Variants in HTT observed in about 807,000 individuals in gnomAD.
HTT encodes the protein huntington disease protein.
HTT carries 104 observed loss-of-function variants against 362.3 expected under a neutral mutation model. The ratio of observed to expected loss-of-function variants is 0.29; its 90% confidence interval spans 0.24 to 0.34. The LOEUF is 0.34. HTT is among the 10% of genes least tolerant of loss of function. HTT has a pLI of 1.00. For synonymous variants in HTT, 1,577 were observed against 1,548.7 expected, an observed-to-expected ratio of 1.02 and a Z score of -0.43; for missense variants, 3,301 against 3,928.6, an observed-to-expected ratio of 0.84 and a Z score of 4.27.
chr4:3,180,999 C>T (rs1005494507), intron 36 of HTT, among the ~76,000 whole-genome samples: 3 of 151,848 alleles, frequency 2.0e-5, no homozygotes, highest in African/African-American at 7.3e-5. Context: ...GCCTCCACCT[C>T]CCGAGTAGCT....
intron 29 of HTT, among the ~76,000 whole-genome samples, chr4:3,162,222 C>T (rs1164452646): frequency 6.6e-6 from 1 of 152,156 alleles, no homozygotes; most frequent in Non-Finnish European, 1.5e-5. Context: ...TGTCAAAGAT[C>T]AGATGATTGT....
chr4:3,112,433 C>T (rs566209529), intron 6 of HTT, among the ~76,000 whole-genome samples: 3 of 152,344 alleles, frequency 2.0e-5, no homozygotes, highest in African/African-American at 7.2e-5. Flanking sequence ...GTCACTGCTC[C>T]TGCCTTCCTC....
chr4:3,132,857 A>G lies in HTT; in HGVS notation c.2439A>G (p.Lys813=), dbSNP rs1258370301. ...SLADCIPLLR[K]TLKDESSVTC... ...CGGATTGCATTCCTTTGCTGCGGAA[A>G]ACACTGAAGGATGAGTCTTCTGTTA... Residue 813 remains lysine, a synonymous_variant, in exon 18 of 67, where the codon AAA becomes AAG. Transcript: ENST00000355072. The G allele has an allele frequency of 3.2e-5, 51 of 1,614,090 alleles. No homozygotes were observed. Among genetic ancestry groups the G allele is most frequent in the Non-Finnish European group, 3.9e-5 (46 of 1,180,024 alleles).
intron 34 of HTT, among the ~76,000 whole-genome samples, chr4:3,177,763 T>G (rs1255671124): frequency 1.3e-5 from 2 of 152,230 alleles, no homozygotes; most frequent in African/African-American, 4.8e-5. Flanking sequence ...TCTCTGCAGC[T>G]TTTTCTTGCT....
chr4:3,213,848 TG>T, intron 49 of HTT, 109 bp from the exon 50 acceptor site: 2 of 952,076 alleles, frequency 2.1e-6, no homozygotes, highest in Non-Finnish European at 1.5e-6. Flanking sequence ...CAAGGGCACC[TG>T]GACGCGCTGC....
At chr4:3,128,736 T>TC (rs1715641796) in intron 12 of HTT, 2 of 152,250 alleles carry the variant, frequency 1.3e-5, no homozygotes. Context: ...AGTTTTATAC[T>TC]CCATTTTATT....
chr4:3,116,202 G>A lies in HTT; in HGVS notation c.1007G>A (p.Gly336Asp), dbSNP rs770068718. 14 of 1,613,990 alleles carry A rather than the reference G, an allele frequency of 8.7e-6. No individual in the cohort carries two copies. The highest frequency in any genetic ancestry group is 1.2e-5 in the Non-Finnish European group (14 of 1,179,968). Residue 336 changes from glycine to aspartate, a missense_variant, in exon 8 of 67, where the codon GGC becomes GAC. Physicochemically the swap from Gly to Asp is moderately conservative, Grantham distance 94. Around this residue, in one of 4 missense-constraint regions of HTT, gnomAD observed 2,316 missense variants for 2,658.5 expected, o/e 0.87. Transcript: ENST00000355072. ...CAGGTCAAGGACACAAGCCTGAAAG[G>A]CAGCTTCGGAGTGACAAGGAAAGAA... Reference protein sequence around the residue: ...QQQVKDTSLKGSFGVTRKEME... With the variant: ...QQQVKDTSLKDSFGVTRKEME...
At chr4:3,213,548 A>G (rs777448810) in intron 49 of HTT, among the ~76,000 whole-genome samples, 3 of 152,232 alleles carry the variant, frequency 2.0e-5, no homozygotes, top group Non-Finnish European at 4.4e-5. Flanking sequence ...TGAGCTAGGA[A>G]GTAGCCATTC....
At chr4:3,171,757 G>A (rs967357240) in intron 29 of HTT, among the ~76,000 whole-genome samples, 1 of 152,196 alleles carries the variant, frequency 6.6e-6, no homozygotes, top group Non-Finnish European at 1.5e-5. Flanking sequence ...GATTACAGGC[G>A]TGAGCCACCA....
chr4:3,104,241 C>T (rs959429138), intron 4 of HTT, among the ~76,000 whole-genome samples: 2 of 151,848 alleles, frequency 1.3e-5, no homozygotes, highest in African/African-American at 4.8e-5. Context: ...TCAGGTGATC[C>T]GCCCGCCTCG....
At chr4:3,157,820 G>T (rs993159314) in intron 28 of HTT, among the ~76,000 whole-genome samples, 3 of 151,818 alleles carry the variant, frequency 2.0e-5, no homozygotes, top group African/African-American at 7.3e-5. Flanking sequence ...TATGAAGTAT[G>T]TGTCTAATTT....
chr4:3,135,974 G>C lies in HTT; in HGVS notation c.2697+7G>C. The C allele has an allele frequency of 3.8e-6, 6 of 1,579,746 alleles. No individual in the cohort carries two copies. The highest frequency in any genetic ancestry group is 5.1e-6 in the Non-Finnish European group (6 of 1,166,302). On this transcript the variant is annotated splice_region_variant and intron_variant, in intron 20 of 66. Coordinates refer to ENST00000355072, the MANE Select transcript of HTT (RefSeq NM_001388492.1). ...GGCTCATCATTATACAGGGGTAAGC[G>C]GTTTATTTTTGTGAGATGCTGTTTT...
In HTT at chr4:3,074,930, G is replaced by GCAGCAGCAGCAA. The variant is rs774733492; in HGVS notation, c.110_111insGCAGCAACAGCA (p.Gln35_Gln38dup). The GCAGCAGCAGCAA allele has an allele frequency of 1.0e-4, 131 of 1,302,636 alleles. 1 individual carries two copies. Among genetic ancestry groups the GCAGCAGCAGCAA allele is most frequent in the Middle Eastern group, 5.6e-4 (2 of 3,552 alleles). 80.7% of individuals were successfully genotyped at this position (1,302,636 alleles called of 1,614,324 possible). On this transcript the variant is annotated inframe_insertion, in exon 1 of 67. Transcript: ENST00000355072. ...AGCAGCAGCAGCAGCAGCAGCAGCA[G>GCAGCAGCAGCAA]CAGCAACAGCCGCCACCGCCGCCGC...
chr4:3,236,656 G>T (rs1315736648), intron 64 of HTT, among the ~76,000 whole-genome samples: 1 of 152,312 alleles, frequency 6.6e-6, no homozygotes, highest in East Asian at 1.9e-4. Flanking sequence ...GGCTGTGGGA[G>T]GGGGGCCGTG....
rs781299127 is a variant in HTT at position 3,130,350 on chromosome 4, A to G, written c.1913A>G (p.Gln638Arg). ...HLLKNMSHCR[Q>R]PSDSSVDKFV... Reference sequence around the variant, plus strand: ...TTGAAAAACATGAGTCACTGCAGGCAGCCTTCTGACAGCAGTGTTGATAAA... The same window carrying G: ...TTGAAAAACATGAGTCACTGCAGGCGGCCTTCTGACAGCAGTGTTGATAAA... The change falls in exon 14 of 67, where the codon CAG becomes CGG. Residue 638 changes from glutamine to arginine, a missense_variant. Gln to Arg is a conservative substitution (Grantham distance 43, BLOSUM62 1). Transcript: ENST00000355072. The G allele has an allele frequency of 4.4e-6, 7 of 1,608,154 alleles. No individual in the cohort carries two copies. In the East Asian group the frequency reaches 1.6e-4, roughly 36 times the overall value.
intron 32 of HTT, 47 bp from the exon 33 acceptor site, chr4:3,174,899 T>A (rs1396051130): frequency 1.9e-6 from 3 of 1,554,300 alleles, no homozygotes; most frequent in Middle Eastern, 1.7e-4. Flanking sequence ...AGCTTTTAGT[T>A]GAAGGCTTAC....
At chr4:3,122,176 G>T (rs962505422) in intron 9 of HTT, among the ~76,000 whole-genome samples, 2 of 152,204 alleles carry the variant, frequency 1.3e-5, no homozygotes, top group Non-Finnish European at 2.9e-5. Context: ...TGCTCTTGGG[G>T]CTGGGCCCTA....
intron 6 of HTT, among the ~76,000 whole-genome samples, chr4:3,109,095 T>A (rs1191030674): frequency 6.6e-5 from 10 of 151,764 alleles, no homozygotes; most frequent in African/African-American, 2.4e-4. Context: ...TCAATGAAAT[T>A]CAGTAGTACC....
At chr4:3,229,540 CCA>C (rs531881241) in intron 59 of HTT, among the ~76,000 whole-genome samples, 49 of 150,262 alleles carry the variant, frequency 3.3e-4, no homozygotes, top group African/African-American at 9.3e-4. Context: ...CACACACATG[CCA>C]CACACACATG....
Sources: allele counts gnomAD v4.1 joint callset (sites outside exome capture counted in the v4.1 genomes callset), GRCh38; gene constraint gnomAD v4.1.1; regional missense constraint gnomAD v4.1.1; transcripts MANE v1.5; gene names NCBI Gene and HGNC (gene_info 2026-07-23, HGNC 2026-07-21).